ADARB1: variants seen among roughly 807,000 people sequenced by gnomAD.
ADARB1 encodes the protein adenosine deaminase RNA specific B1.
A neutral mutation model predicts 52.4 loss-of-function variants in ADARB1; 10 were observed. That is an observed-to-expected ratio of 0.19 (90% CI 0.12 to 0.32). The LOEUF (loss-of-function observed/expected upper bound fraction) is 0.32. Ranked by LOEUF, ADARB1 falls within the 10% of genes least tolerant of loss-of-function variation. The pLI is 1.00. For missense variants in ADARB1, 643 were observed against 922.3 expected (o/e 0.70, Z 3.92); for synonymous variants, 349 against 371.1 (o/e 0.94, Z 0.68).
chr21:45,086,961 G>A (rs2086369818), intron 1 of ADARB1, among the ~76,000 whole-genome samples: 1 of 152,192 alleles, frequency 6.6e-6, no homozygotes, highest in Non-Finnish European at 1.5e-5. Context: ...TTCTTGAATT[G>A]TATGAGCCTA....
chr21:45,160,731 T>C (rs1474609129), intron 2 of ADARB1, among the ~76,000 whole-genome samples: 1 of 152,268 alleles, frequency 6.6e-6, no homozygotes, highest in African/African-American at 2.4e-5. Context: ...CATTTCATTA[T>C]GGTGAGTGTC....
At chr21:45,074,822 C>A in intron 1 of ADARB1, 29 bp downstream of exon 1, 1 of 147,556 alleles carries the variant, frequency 6.8e-6, no homozygotes, top group South Asian at 1.9e-4. Flanking sequence ...CGCGGCGGCT[C>A]GGGCGGGCGC....
rs752191898 is a variant in ADARB1, at chr21:45,208,709, CAT to C, written c.1747+3974_1747+3975del. Among the ~76,000 whole-genome samples the C allele has an allele frequency of 2.0e-5, 3 of 151,802 alleles. No individual in the cohort carries two copies. The highest frequency in any genetic ancestry group is 2.9e-5 in the Non-Finnish European group (2 of 67,920). On this transcript the variant is annotated intron_variant, in intron 9 of 10. Coordinates refer to ENST00000348831, the MANE Select transcript of ADARB1 (RefSeq NM_001112.4). This position sits in a 1 kb window ranked among gnomAD's most constrained non-coding sequence, Gnocchi z 5.6. ...GTGTGCATGTGTGTGTGCACGCTCA[CAT>C]GAGTGTATGAGAGAGAGAGTGTGTG...
At position 45,074,608 on chromosome 21, in the gene ADARB1, GGCGGCGGCGGCGGCA is replaced by G. The variant is rs934807513; in HGVS notation, c.-396_-382del. 2 of 149,224 alleles carry G rather than the reference GGCGGCGGCGGCGGCA, an allele frequency of 1.3e-5. No homozygotes were observed. The highest frequency in any genetic ancestry group is 2.9e-5 in the Non-Finnish European group (2 of 68,400). The allele number at this position is 149,224 out of a possible 1,614,324, so 9.2% of individuals were successfully genotyped here. ...GCGCTGAGGCGGCCGTGGCGGCGGC[GGCGGCGGCGGCGGCA>G]GCGGCGGCCAAGCGGCCAGGTTGGC... is the stretch of plus-strand genomic sequence containing the variant. On this transcript the variant is annotated 5_prime_UTR_variant, in exon 1 of 11. Transcript: ENST00000348831.
At chr21:45,135,654 A>G (rs1406868631) in intron 2 of ADARB1, among the ~76,000 whole-genome samples, 1 of 152,282 alleles carries the variant, frequency 6.6e-6, no homozygotes, top group African/African-American at 2.4e-5. Flanking sequence ...AAGCAAAGTG[A>G]GGCCTCAGAA....
At chr21:45,151,909 T>A (rs1281892702) in intron 2 of ADARB1, among the ~76,000 whole-genome samples, 1 of 152,212 alleles carries the variant, frequency 6.6e-6, no homozygotes, top group Non-Finnish European at 1.5e-5. Context: ...TGCCCCTCCC[T>A]TGGCTGTGTG....
intron 2 of ADARB1, among the ~76,000 whole-genome samples, chr21:45,163,873 T>C (rs944122332): frequency 6.6e-6 from 1 of 152,188 alleles, no homozygotes; most frequent in Non-Finnish European, 1.5e-5. Context: ...TTTGGGGCCA[T>C]TGGCCCTGCT....
intron 1 of ADARB1, among the ~76,000 whole-genome samples, chr21:45,088,226 CA>C (rs1181497116): frequency 4.6e-5 from 7 of 152,168 alleles, no homozygotes; most frequent in Non-Finnish European, 8.8e-5. Context: ...CAATGACCTC[CA>C]GCAACAGGGA....
Position 45,223,664 on chromosome 21 carries a change from A to C in ADARB1, c.*1467A>C. On this transcript the variant is annotated 3_prime_UTR_variant, in exon 11 of 11. Transcript: ENST00000348831. ...CCACAGCGAAATCCAGGGTGTTGGC[A>C]CCTGTGTGTCCGTGATGAGCCTAGG... 1.0e-6 allele frequency: 1 copy of C among 985,508 alleles called. No individual in the cohort carries two copies. The highest frequency in any genetic ancestry group is 1.2e-6 in the Non-Finnish European group (1 of 830,084). The allele number at this position is 985,508 out of a possible 1,614,324, so 61.0% of individuals were successfully genotyped here.
chr21:45,102,440 T>C (rs2087060152), intron 1 of ADARB1, among the ~76,000 whole-genome samples: 1 of 152,194 alleles, frequency 6.6e-6, no homozygotes, highest in Non-Finnish European at 1.5e-5. Flanking sequence ...TAGCTGCATG[T>C]TCCATAAAAC....
chr21:45,193,519 T>G (rs2092352793), intron 8 of ADARB1, among the ~76,000 whole-genome samples: 1 of 152,204 alleles, frequency 6.6e-6, no homozygotes, highest in Non-Finnish European at 1.5e-5. Flanking sequence ...TGTTCAACAT[T>G]GTATTGGAAG....
chr21:45,198,004 G>A (rs546197341), intron 8 of ADARB1, among the ~76,000 whole-genome samples: 1 of 152,172 alleles, frequency 6.6e-6, no homozygotes, highest in East Asian at 1.9e-4. Flanking sequence ...CCCTTTAAGC[G>A]TGTGCAGTTT....
rs946126956 is a variant in ADARB1 at position 45,208,504 on chromosome 21, C to T, written c.1747+3768C>T. Reference sequence around the variant, plus strand: ...GGTGCCTGCTGAGCTGCTATCCACCCGAGACCATTTGACATTATGGGCAGG... The same window carrying T: ...GGTGCCTGCTGAGCTGCTATCCACCTGAGACCATTTGACATTATGGGCAGG... On this transcript the variant is annotated intron_variant, in intron 9 of 10. Transcript: ENST00000348831. This position sits in a 1 kb window ranked among gnomAD's most constrained non-coding sequence, Gnocchi z 5.6. 3.9e-5 allele frequency among the ~76,000 whole-genome samples: 6 copies of T among 152,110 alleles called. No homozygotes were observed. Among genetic ancestry groups the T allele is most frequent in the African/African-American group, 1.4e-4 (6 of 41,414 alleles).
chr21:45,138,759 G>A (rs1490417990), intron 2 of ADARB1, among the ~76,000 whole-genome samples: 1 of 152,102 alleles, frequency 6.6e-6, no homozygotes, highest in Admixed American at 6.6e-5. Context: ...CTGAAACCAC[G>A]CCCCCTGCTG....
chr21:45,149,665 G>A (rs1312978189), intron 2 of ADARB1, among the ~76,000 whole-genome samples: 1 of 152,226 alleles, frequency 6.6e-6, no homozygotes, highest in Non-Finnish European at 1.5e-5. Flanking sequence ...GTTTGAATGA[G>A]TAACAGGATC....
At chr21:45,189,218 C>T (rs758951496) in intron 8 of ADARB1, among the ~76,000 whole-genome samples, 2 of 151,876 alleles carry the variant, frequency 1.3e-5, no homozygotes, top group Non-Finnish European at 2.9e-5. Flanking sequence ...CTTTTGTCTC[C>T]GTGGGGTACA....
chr21:45,201,414 A>G (rs148661972), intron 8 of ADARB1, among the ~76,000 whole-genome samples: 1 of 152,336 alleles, frequency 6.6e-6, no homozygotes, highest in African/African-American at 2.4e-5. Flanking sequence ...CTGCAGGATC[A>G]CTGCTTTAAA....
At chr21:45,150,853 C>A (rs542467440) in intron 2 of ADARB1, among the ~76,000 whole-genome samples, 1 of 152,198 alleles carries the variant, frequency 6.6e-6, no homozygotes, top group Non-Finnish European at 1.5e-5. Flanking sequence ...CCTGCCTGAC[C>A]GTCACTCGTG....
intron 8 of ADARB1, among the ~76,000 whole-genome samples, chr21:45,198,228 A>G (rs1162475619): frequency 6.6e-6 from 1 of 152,200 alleles, no homozygotes; most frequent in East Asian, 1.9e-4. Context: ...AGATGTCAGT[A>G]CTTAGAGCAG....
Sources: allele counts gnomAD v4.1 joint callset (sites outside exome capture counted in the v4.1 genomes callset), GRCh38; gene constraint gnomAD v4.1.1; non-coding constraint Gnocchi (gnomAD v3.1); transcripts MANE v1.5; gene names NCBI Gene and HGNC (gene_info 2026-07-23, HGNC 2026-07-21).